Variants in BACH2 observed in about 807,000 individuals in gnomAD.
BACH2 encodes the protein transcription regulator protein BACH2.
In BACH2, 5 loss-of-function variants were observed where a neutral mutation model predicts 61.8. The ratio of observed to expected loss-of-function variants is 0.08; its 90% CI spans 0.04 to 0.17. The LOEUF is 0.17. Ranked by LOEUF, BACH2 falls within the 10% of genes least tolerant of loss-of-function variation. The probability of loss-of-function intolerance (pLI) is 1.00; values close to 1 mark genes in which losing one functional copy is unlikely to be tolerated. For synonymous variants in BACH2, 446 were observed against 440.1 expected, an observed-to-expected ratio of 1.01 and a Z score of -0.17; for missense variants, 824 against 1,091.1, an observed-to-expected ratio of 0.76 and a Z score of 3.45.
chr6:90,010,487 T>A (rs1777651128), intron 5 of BACH2, among the ~76,000 whole-genome samples: 2 of 152,256 alleles, frequency 1.3e-5, no homozygotes, highest in South Asian at 4.1e-4. Context: ...ACTTTTTTTT[T>A]ATCCATTCAT....
intron 5 of BACH2, among the ~76,000 whole-genome samples, chr6:90,027,799 T>C (rs1022963945): frequency 3.3e-5 from 5 of 152,202 alleles, no homozygotes; most frequent in African/African-American, 9.6e-5. Context: ...TTAAACGAGA[T>C]GAAGCAATAA....
At chr6:90,155,678 A>G (rs1433423255) in intron 4 of BACH2, among the ~76,000 whole-genome samples, 1 of 152,140 alleles carries the variant, frequency 6.6e-6, no homozygotes, top group Non-Finnish European at 1.5e-5. Flanking sequence ...CTATCCCCAA[A>G]TTGGCCCTCC....
chr6:90,081,599 T>G (rs756455799), intron 5 of BACH2, among the ~76,000 whole-genome samples: 7 of 152,172 alleles, frequency 4.6e-5, no homozygotes, highest in Non-Finnish European at 8.8e-5. Flanking sequence ...ACAGAGGACA[T>G]GAAGGGATGC....
chr6:90,199,559 A>G (rs1285454862), intron 4 of BACH2, among the ~76,000 whole-genome samples: 1 of 152,160 alleles, frequency 6.6e-6, no homozygotes, highest in Non-Finnish European at 1.5e-5. Flanking sequence ...TTAAATTTGC[A>G]CTTCCATACC....
intron 4 of BACH2, among the ~76,000 whole-genome samples, chr6:90,167,030 C>T (rs1767648000): frequency 6.6e-6 from 1 of 152,148 alleles, no homozygotes; most frequent in African/African-American, 2.4e-5. Flanking sequence ...ACGTTGTGCA[C>T]ATGTACCCTA....
At chr6:90,284,408 T>A (rs1169661555) in intron 1 of BACH2, among the ~76,000 whole-genome samples, 1 of 152,198 alleles carries the variant, frequency 6.6e-6, no homozygotes, top group Non-Finnish European at 1.5e-5. Context: ...TTGGAATCCT[T>A]TGACAATGAC....
chr6:90,237,977 T>C (rs1770314786), intron 3 of BACH2, among the ~76,000 whole-genome samples: 1 of 152,196 alleles, frequency 6.6e-6, no homozygotes, highest in Admixed American at 6.5e-5. Flanking sequence ...GTGTGTGCAA[T>C]CCAACAGTTC....
chr6:90,169,787 G>T (rs753527623), intron 4 of BACH2, among the ~76,000 whole-genome samples: 34 of 152,190 alleles, frequency 2.2e-4, no homozygotes, highest in African/African-American at 2.4e-5. Context: ...CTAAAGAAAT[G>T]AATGGGCTTT....
intron 4 of BACH2, among the ~76,000 whole-genome samples, chr6:90,091,991 C>G (rs1782178492): frequency 6.6e-6 from 1 of 151,876 alleles, no homozygotes; most frequent in Non-Finnish European, 1.5e-5. Context: ...TCTAAGCAGA[C>G]CAGAGCTACA....
intron 2 of BACH2, among the ~76,000 whole-genome samples, chr6:90,257,709 G>C (rs530205508): frequency 1.3e-5 from 2 of 152,254 alleles, no homozygotes; most frequent in African/African-American, 4.8e-5. Context: ...CAATCTGTAG[G>C]CTGCTACTTC....
chr6:90,279,638 G>A (rs1562539895), intron 1 of BACH2, among the ~76,000 whole-genome samples: 1 of 151,734 alleles, frequency 6.6e-6, no homozygotes. Context: ...GTAGTTTCTT[G>A]GTCCTATATA....
intron 4 of BACH2, among the ~76,000 whole-genome samples, chr6:90,146,889 G>C (rs1047848805): frequency 1.7e-4 from 26 of 152,172 alleles, no homozygotes; most frequent in Non-Finnish European, 2.9e-4. Context: ...ATTCATTTCA[G>C]ATATTAGAGC....
At chr6:90,156,029 T>C (rs757588766) in intron 4 of BACH2, among the ~76,000 whole-genome samples, 7 of 152,148 alleles carry the variant, frequency 4.6e-5, no homozygotes, top group East Asian at 1.9e-4. Context: ...TTAAAAAAGA[T>C]TGGAATTCCA....
Position 89,950,602 on chromosome 6 carries a change from C to T in BACH2, c.1504G>A (p.Val502Ile), listed in dbSNP as rs1291288582. Residue 502 changes from valine to isoleucine, a missense_variant, in exon 7 of 9, where the codon GTA becomes ATA. Val to Ile is a conservative substitution (Grantham distance 29). Around this residue, in one of 8 missense-constraint regions of BACH2, gnomAD observed 102 missense variants for 98.1 expected, o/e 1.04. Coordinates refer to ENST00000257749, the MANE Select transcript of BACH2 (RefSeq NM_021813.4). The surrounding 1 kb of genome is among the most constrained non-coding windows in gnomAD (Gnocchi z 5.3). ...GAGCGAGGGCAGACTTTGATTGGTA[C>T]CGGGCAGCTGGTGTTGGGCCGCATC... ...GRMRPNTSCP[V>I]PIKVCPRSPP... The T allele has an allele frequency of 6.2e-7, 1 of 1,613,336 alleles. No homozygotes were observed. Among genetic ancestry groups the T allele is most frequent in the Non-Finnish European group, 8.5e-7 (1 of 1,179,680 alleles).
chr6:90,175,311 T>C (rs1767950947), intron 4 of BACH2, among the ~76,000 whole-genome samples: 2 of 152,190 alleles, frequency 1.3e-5, no homozygotes, highest in African/African-American at 4.8e-5. Flanking sequence ...GAGTTCTCAT[T>C]TATACAATGG....
intron 5 of BACH2, among the ~76,000 whole-genome samples, chr6:90,050,404 T>C (rs1779988127): frequency 6.6e-6 from 1 of 152,180 alleles, no homozygotes. Context: ...ACACCCACAA[T>C]ATTTGAAAAA....
chr6:90,209,942 G>A (rs1188736116), intron 3 of BACH2, among the ~76,000 whole-genome samples: 1 of 152,116 alleles, frequency 6.6e-6, no homozygotes, highest in Admixed American at 6.5e-5. Flanking sequence ...AGACTCTTAA[G>A]TGTGGGGTCT....
At chr6:90,125,590 A>G (rs1783814614) in intron 4 of BACH2, among the ~76,000 whole-genome samples, 1 of 152,192 alleles carries the variant, frequency 6.6e-6, no homozygotes, top group African/African-American at 2.4e-5. Context: ...ACTGGGTGTA[A>G]AACTGCTTCT....
chr6:89,968,856 C>G (rs1460157951), intron 6 of BACH2, among the ~76,000 whole-genome samples: 1 of 151,990 alleles, frequency 6.6e-6, no homozygotes, highest in Non-Finnish European at 1.5e-5. Context: ...ACTAGAAATA[C>G]AAACATTAGC....
Sources: gnomAD v4.1 joint callset for allele counts (sites outside exome capture counted in the v4.1 genomes callset) on GRCh38, gnomAD v4.1.1 for gene constraint, gnomAD v4.1.1 regional missense constraint, Gnocchi (gnomAD v3.1) non-coding constraint, MANE v1.5 for transcripts, NCBI Gene and HGNC (gene_info 2026-07-23, HGNC 2026-07-21) for gene names.